Variants in CYP26A1 observed in about 807,000 individuals in gnomAD.
The protein encoded by CYP26A1 is cytochrome P450 26A1.
Under a neutral mutation model 47.4 loss-of-function variants are expected in CYP26A1, and 46 were observed. The observed-to-expected ratio is 0.97, with a 90% confidence interval of 0.77 to 1.24. The LOEUF is 1.24. Among genes scored for constraint, CYP26A1 ranks in the 50% most tolerant of loss-of-function variants. The pLI, the probability that CYP26A1 is intolerant of heterozygous loss-of-function variation, is 0.00. For synonymous variants in CYP26A1, 277 were observed against 263.7 expected, an observed-to-expected ratio of 1.05 and a Z score of -0.49; for missense variants, 680 against 644.4, an observed-to-expected ratio of 1.06 and a Z score of -0.60.
chr10:93,074,298 C>T lies in CYP26A1; in HGVS notation c.190-10C>T. 6.4e-7 allele frequency: 1 copy of T among 1,572,066 alleles called. No homozygotes were observed. Among genetic ancestry groups the T allele is most frequent in the Non-Finnish European group, 8.7e-7 (1 of 1,143,016 alleles). On this transcript the variant is annotated splice_polypyrimidine_tract_variant and intron_variant, in intron 1 of 6. Coordinates refer to ENST00000224356, the MANE Select transcript of CYP26A1 (RefSeq NM_000783.4). This position sits in a 1 kb window ranked among gnomAD's most constrained non-coding sequence, Gnocchi z 5.3. ...CATGCCCACTTCTCTCCTCCGCCTT[C>T]CTCCCACAGCGGAGGAAGTTCCTGC...
rs1846970655 is a variant in CYP26A1 at position 93,075,820 on chromosome 10, T to A, written c.865-6T>A. 6 of 1,610,214 alleles carry A rather than the reference T, an allele frequency of 3.7e-6. No homozygotes were observed. The highest frequency in any genetic ancestry group is 5.1e-6 in the Non-Finnish European group (6 of 1,176,472). On this transcript the variant is annotated splice_region_variant and splice_polypyrimidine_tract_variant and intron_variant, in intron 4 of 6. Transcript: ENST00000224356. ...TGTGAGAATGTGGGTCTCACTCTATTCTTAGGCACTAAAGCAATCTTCAAC... is the reference window on the plus strand; with the variant it reads ...TGTGAGAATGTGGGTCTCACTCTATACTTAGGCACTAAAGCAATCTTCAAC...
rs757601865 is a variant in CYP26A1, at chr10:93,076,994, T to C, written c.1184T>C (p.Ile395Thr). Residue 395 changes from isoleucine (I) to threonine (T), a missense_variant, in exon 7 of 7, where the codon ATC becomes ACC. Coordinates refer to ENST00000224356, the MANE Select transcript of CYP26A1 (RefSeq NM_000783.4). ...GYQIPKGWNV[I>T]YSICDTHDVA... is the part of the protein sequence containing the mutation. The stretch of plus-strand genomic sequence containing the variant: ...CAGATTCCCAAGGGCTGGAATGTTA[T>C]CTACAGTATCTGTGATACTCATGAT... 5 of 1,610,424 alleles carry C rather than the reference T, an allele frequency of 3.1e-6. No homozygotes were observed. The highest frequency in any genetic ancestry group is 1.3e-5 in the African/African-American group (1 of 74,848).
rs1239132418 is a variant in CYP26A1 at position 93,074,227 on chromosome 10, G to C, written c.190-81G>C. Reference sequence around the variant, plus strand: ...CGCCCCCGGGAGGCATGCTATTGCGGCTAGGAGCAGGGCTGGCGGGAGCGC... The same window carrying C: ...CGCCCCCGGGAGGCATGCTATTGCGCCTAGGAGCAGGGCTGGCGGGAGCGC... On this transcript the variant is annotated intron_variant, in intron 1 of 6. Transcript: ENST00000224356. This position sits in a 1 kb window ranked among gnomAD's most constrained non-coding sequence, Gnocchi z 5.3. 6.5e-7 allele frequency: 1 copy of C among 1,527,024 alleles called. No homozygotes were observed. Among genetic ancestry groups the C allele is most frequent in the African/African-American group, 1.4e-5 (1 of 72,816 alleles). The allele number at this position is 1,527,024 out of a possible 1,614,324, so 94.6% of individuals were successfully genotyped here.
chr10:93,076,519 C>T (rs753044876), intron 5 of CYP26A1, 25 bp from the exon 6 acceptor site: 10 of 1,552,278 alleles, frequency 6.4e-6, no homozygotes, highest in Non-Finnish European at 8.8e-6. Flanking sequence ...AATAACTGTT[C>T]ACCTCTGTAT....
rs770386046 is a variant in CYP26A1 at position 93,074,559 on chromosome 10, A to G, written c.414+27A>G. ...TGGGGGCAGGAGGCGACGGCTGGACAGGGAGGGGGACCCCATTTATGAGCG... is the reference window on the plus strand; with the variant it reads ...TGGGGGCAGGAGGCGACGGCTGGACGGGGAGGGGGACCCCATTTATGAGCG... On this transcript the variant is annotated intron_variant, in intron 2 of 6. Transcript: ENST00000224356. This position sits in a 1 kb window ranked among gnomAD's most constrained non-coding sequence, Gnocchi z 5.3. The G allele has an allele frequency of 2.8e-6, 4 of 1,406,496 alleles. No homozygotes were observed. The South Asian group carries it at 3.4e-5, about 12-fold the overall frequency. 87.1% of individuals were successfully genotyped at this position (1,406,496 alleles called of 1,614,324 possible).
intron 5 of CYP26A1, 40 bp downstream of exon 5, chr10:93,076,000 G>T: frequency 4.5e-6 from 7 of 1,551,194 alleles, no homozygotes; most frequent in Non-Finnish European, 6.2e-6. Flanking sequence ...ATTAGCTTAG[G>T]AAATTCAGCT....
intron 6 of CYP26A1, 39 bp from the exon 7 acceptor site, chr10:93,076,924 C>A: frequency 7.4e-7 from 1 of 1,346,558 alleles, no homozygotes; most frequent in Non-Finnish European, 1.0e-6. Flanking sequence ...AAGTTAAATT[C>A]CAGTTTGTCA....
intron 5 of CYP26A1, 22 bp downstream of exon 5, chr10:93,075,982 G>T: frequency 1.9e-6 from 3 of 1,603,376 alleles, no homozygotes; most frequent in South Asian, 1.1e-5. Flanking sequence ...GGGTCTGGGG[G>T]TGTCCTTATT....
At chr10:93,075,735 T>G in intron 4 of CYP26A1, 91 bp from the exon 5 acceptor site, 1 of 972,624 alleles carries the variant, frequency 1.0e-6, no homozygotes, top group Non-Finnish European at 1.6e-6. Flanking sequence ...CCTTCTAGTC[T>G]TCCCTCCAGA....
intron 6 of CYP26A1, 83 bp downstream of exon 6, chr10:93,076,779 A>T (rs1846983383): frequency 8.9e-7 from 1 of 1,122,436 alleles, no homozygotes; most frequent in Admixed American, 2.3e-5. Context: ...TGCAATTCTT[A>T]TGCTTTTGAT....
At position 93,075,879 on chromosome 10, in the gene CYP26A1, C is replaced by T. The variant is rs1590144486; in HGVS notation, c.918C>T (p.Ala306=). Residue 306 remains alanine (A), a synonymous_variant, in exon 5 of 7, where the codon GCC becomes GCT. Transcript: ENST00000224356. The part of the protein sequence containing the change: ...ELLFGGHETT[A]SAATSLITYL... ...TCTTTGGAGGACACGAAACCACGGC[C>T]AGTGCAGCCACATCTCTGATCACTT... 4 of 1,610,060 alleles carry T rather than the reference C, an allele frequency of 2.5e-6. No individual in the cohort carries two copies. Among genetic ancestry groups the T allele is most frequent in the Non-Finnish European group, 3.4e-6 (4 of 1,176,286 alleles).
chr10:93,074,261 C>G lies in CYP26A1; in HGVS notation c.190-47C>G, dbSNP rs1443308756. 6.6e-7 allele frequency: 1 copy of G among 1,516,524 alleles called. No individual in the cohort carries two copies. Among genetic ancestry groups the G allele is most frequent in the Non-Finnish European group, 9.1e-7 (1 of 1,099,832 alleles). 93.9% of individuals were successfully genotyped at this position (1,516,524 alleles called of 1,614,324 possible). On this transcript the variant is annotated intron_variant, in intron 1 of 6. Transcript: ENST00000224356. This position sits in a 1 kb window ranked among gnomAD's most constrained non-coding sequence, Gnocchi z 5.3. ...AGGGCTGGCGGGAGCGCGGCGCTCCCCGGCGCCCCCTCATGCCCACTTCTC... is the reference window on the plus strand; with the variant it reads ...AGGGCTGGCGGGAGCGCGGCGCTCCGCGGCGCCCCCTCATGCCCACTTCTC...
In CYP26A1 at chr10:93,076,568, GACA is replaced by G. The variant is rs1324956717; in HGVS notation, c.1029_1031del (p.Asn343del). 1.9e-6 allele frequency: 3 copies of G among 1,608,976 alleles called. No homozygotes were observed. The highest frequency in any genetic ancestry group is 2.7e-5 in the African/African-American group (2 of 74,806). ...GGGTTTACTTTGCAAGAGCAATCAA[GACA>G]ACAAGTTGGACATGGAAATTTTGGA... On this transcript the variant is annotated inframe_deletion, in exon 6 of 7. Coordinates refer to ENST00000224356, the MANE Select transcript of CYP26A1 (RefSeq NM_000783.4).
rs1846952526 is a variant in CYP26A1 at position 93,074,916 on chromosome 10, C to G, written c.552C>G (p.Leu184=). The change falls in exon 3 of 7, where the codon CTC becomes CTG. Residue 184 remains leucine (L), a synonymous_variant. Coordinates refer to ENST00000224356, the MANE Select transcript of CYP26A1 (RefSeq NM_000783.4). The surrounding 1 kb of genome is among the most constrained non-coding windows in gnomAD (Gnocchi z 5.3). ...TGGTCTACCCCGAGGTGAAGCGCCTCATGTTCCGAATCGCCATGCGCATCC... is the reference window on the plus strand; with the variant it reads ...TGGTCTACCCCGAGGTGAAGCGCCTGATGTTCCGAATCGCCATGCGCATCC... ...GLLVYPEVKR[L]MFRIAMRILL... 6.2e-7 allele frequency: 1 copy of G among 1,613,168 alleles called. No homozygotes were observed. The highest frequency in any genetic ancestry group is 8.5e-7 in the Non-Finnish European group (1 of 1,180,050).
At chr10:93,076,409 C>T (rs1846977760) in intron 5 of CYP26A1, 135 bp from the exon 6 acceptor site, 1 of 627,982 alleles carries the variant, frequency 1.6e-6, no homozygotes, top group Non-Finnish European at 2.8e-6. Flanking sequence ...CCATTAGCTG[C>T]TGTTTCCCCC....
rs560728326 is a variant in CYP26A1, at chr10:93,075,364, G to T, written c.864+57G>T. On this transcript the variant is annotated intron_variant, in intron 4 of 6. Transcript: ENST00000224356. ...AGTTTGGTCCCCTGGCTTTCCAAGC[G>T]CTGTTCCTGGGGCCCCCAAAGCGCG... The T allele has an allele frequency of 3.5e-5, 54 of 1,551,104 alleles. No individual in the cohort carries two copies. The South Asian group carries it at 3.6e-4, about 10-fold the overall frequency.
chr10:93,075,092 GGA>G, intron 3 of CYP26A1, 23 bp downstream of exon 3: 1 of 1,610,778 alleles, frequency 6.2e-7, no homozygotes, highest in East Asian at 2.2e-5. Flanking sequence ...AACGGGCTGC[GGA>G]CTAGGGGCGC....
At chr10:93,073,509 T>A (rs1590141947), upstream of CYP26A1, 1 of 185,996 alleles carries the variant, frequency 5.4e-6, no homozygotes, top group South Asian at 1.5e-4. Context: ...TGAAGGCTGC[T>A]TTGGGCCGGG....
chr10:93,074,823 G>A lies in CYP26A1; in HGVS notation c.459G>A (p.Val153=). The change falls in exon 3 of 7, where the codon GTG becomes GTA. Residue 153 remains valine (V), a synonymous_variant. Coordinates refer to ENST00000224356, the MANE Select transcript of CYP26A1 (RefSeq NM_000783.4). The surrounding 1 kb of genome is among the most constrained non-coding windows in gnomAD (Gnocchi z 5.3). The stretch of plus-strand genomic sequence containing the variant: ...GCCGCGAGGCACTCGAATGCTACGT[G>A]CCGGTGATCACCGAGGAAGTGGGCA... ...AFSREALECY[V]PVITEEVGSS... is the part of the protein sequence containing the mutation. 1 of 1,610,522 alleles carries A rather than the reference G, an allele frequency of 6.2e-7. No individual in the cohort carries two copies. Among genetic ancestry groups the A allele is most frequent in the Middle Eastern group, 1.6e-4 (1 of 6,062 alleles).
Sources: allele counts gnomAD v4.1 joint callset, GRCh38; gene constraint gnomAD v4.1.1; non-coding constraint Gnocchi (gnomAD v3.1); transcripts MANE v1.5; gene names NCBI Gene and HGNC (gene_info 2026-07-23, HGNC 2026-07-21).